The following USP34 variants were observed in gnomAD, a reference collection of about 807,000 sequenced individuals.
USP34 encodes ubiquitin carboxyl-terminal hydrolase 34.
Under a neutral mutation model 460.3 loss-of-function variants are expected in USP34, and 70 were observed. The ratio of observed to expected loss-of-function variants is 0.15; its 90% CI spans 0.13 to 0.19. The LOEUF is 0.19. Ranked by LOEUF, USP34 falls within the 10% of genes least tolerant of loss-of-function variation. The pLI is 1.00. For missense variants in USP34, 3,985 were observed against 4,236.2 expected (o/e 0.94, Z 1.65); for synonymous variants, 1,647 against 1,405.3 (o/e 1.17, Z -3.85).
At chr2:61,253,407 T>G (rs1351955586) in intron 48 of USP34, among the ~76,000 whole-genome samples, 1 of 152,208 alleles carries the variant, frequency 6.6e-6, no homozygotes, top group African/African-American at 2.4e-5. Context: ...TGACTCCATT[T>G]TATATACGTC....
At chr2:61,254,777 A>C (rs768958543) in intron 48 of USP34, among the ~76,000 whole-genome samples, 10 of 152,194 alleles carry the variant, frequency 6.6e-5, no homozygotes, top group Non-Finnish European at 1.0e-4. Context: ...GGAACATGTG[A>C]ATCATCAAAG....
At chr2:61,224,096 T>C (rs1442159915) in intron 62 of USP34, among the ~76,000 whole-genome samples, 1 of 152,236 alleles carries the variant, frequency 6.6e-6, no homozygotes, top group East Asian at 1.9e-4. Flanking sequence ...TGTCATACAA[T>C]ATCCAGCGTA....
intron 1 of USP34, among the ~76,000 whole-genome samples, chr2:61,433,994 G>C (rs1241184743): frequency 1.3e-5 from 2 of 152,104 alleles, no homozygotes; most frequent in East Asian, 1.9e-4. Context: ...CACACTTCAA[G>C]CCAAAGGAAC....
At chr2:61,275,493 G>C (rs925670549) in intron 41 of USP34, among the ~76,000 whole-genome samples, 2 of 151,856 alleles carry the variant, frequency 1.3e-5, no homozygotes, top group Middle Eastern at 3.2e-3. Flanking sequence ...GTGTGATGGC[G>C]TATGCCTATA....
chr2:61,287,125 T>C (rs914729279), intron 34 of USP34, among the ~76,000 whole-genome samples: 1 of 152,226 alleles, frequency 6.6e-6, no homozygotes, highest in Non-Finnish European at 1.5e-5. Context: ...TGTAAATGAT[T>C]TGGAATACTG....
chr2:61,313,988 ACTAT>A (rs929759350), intron 25 of USP34, among the ~76,000 whole-genome samples: 11 of 152,098 alleles, frequency 7.2e-5, no homozygotes, highest in East Asian at 3.8e-4. Flanking sequence ...ATTTCTTAAA[ACTAT>A]CTACTCACCT....
At chr2:61,228,095 G>T (rs936821090) in intron 61 of USP34, among the ~76,000 whole-genome samples, 2 of 152,118 alleles carry the variant, frequency 1.3e-5, no homozygotes, top group African/African-American at 4.8e-5. Context: ...AAGTCACTGT[G>T]ATCTAAAACA....
intron 41 of USP34, among the ~76,000 whole-genome samples, chr2:61,271,076 G>C (rs1034427873): frequency 8.6e-5 from 13 of 151,918 alleles, no homozygotes; most frequent in Non-Finnish European, 1.5e-4. Context: ...CTGAGGTCAG[G>C]AATTCGAGAC....
chr2:61,290,887 G>A (rs1431824391), intron 33 of USP34, among the ~76,000 whole-genome samples: 1 of 152,248 alleles, frequency 6.6e-6, no homozygotes, highest in East Asian at 1.9e-4. Flanking sequence ...ATCAATCTCT[G>A]TGTAAGGGGA....
intron 75 of USP34, among the ~76,000 whole-genome samples, chr2:61,197,409 G>C (rs913554818): frequency 2.0e-5 from 3 of 152,162 alleles, no homozygotes; most frequent in African/African-American, 4.8e-5. Flanking sequence ...TAGGCTCACA[G>C]AGATTATATA....
chr2:61,410,207 T>C (rs1364706548), intron 2 of USP34, among the ~76,000 whole-genome samples: 4 of 152,184 alleles, frequency 2.6e-5, no homozygotes, highest in African/African-American at 4.8e-5. Flanking sequence ...GTAGAATTAG[T>C]GGGAGCCCTG....
intron 5 of USP34, among the ~76,000 whole-genome samples, chr2:61,389,395 T>C (rs1693272752): frequency 6.6e-6 from 1 of 152,192 alleles, no homozygotes; most frequent in South Asian, 2.1e-4. Flanking sequence ...ACAAGATACA[T>C]CAGAGGGCAT....
intron 21 of USP34, among the ~76,000 whole-genome samples, chr2:61,323,034 A>G (rs1690973910): frequency 6.6e-6 from 1 of 152,200 alleles, no homozygotes; most frequent in African/African-American, 2.4e-5. Flanking sequence ...ATGTAATTAC[A>G]TATAACTTTG....
At chr2:61,266,361 CTT>C (rs965112492) in intron 41 of USP34, among the ~76,000 whole-genome samples, 194 bp from the exon 42 acceptor site, 9 of 152,278 alleles carry the variant, frequency 5.9e-5, no homozygotes, top group Non-Finnish European at 8.8e-5. Flanking sequence ...AACTTTTACT[CTT>C]CTCTCCTTTT....
intron 6 of USP34, among the ~76,000 whole-genome samples, chr2:61,380,822 G>C (rs911385699): frequency 1.7e-4 from 26 of 152,324 alleles, no homozygotes; most frequent in Non-Finnish European, 1.9e-4. Flanking sequence ...ACCAAGGTTA[G>C]CCTGCTGGAT....
intron 10 of USP34, among the ~76,000 whole-genome samples, chr2:61,354,381 A>G (rs1458748690): frequency 2.0e-5 from 3 of 152,244 alleles, no homozygotes; most frequent in African/African-American, 7.2e-5. Flanking sequence ...TTGCAATAAG[A>G]ATTCTAAATT....
intron 33 of USP34, among the ~76,000 whole-genome samples, chr2:61,289,943 G>T (rs1302810163): frequency 6.6e-6 from 1 of 152,050 alleles, no homozygotes; most frequent in Admixed American, 6.6e-5. Flanking sequence ...TCAGTATAAT[G>T]AAAAAGTAAG....
At chr2:61,261,953 A>C (rs956196050) in intron 43 of USP34, among the ~76,000 whole-genome samples, 1 of 151,598 alleles carries the variant, frequency 6.6e-6, no homozygotes, top group African/African-American at 2.4e-5. Context: ...AAATACAAAA[A>C]TTAGCCAGGT....
At chr2:61,312,733 G>T (rs1035080431) in intron 25 of USP34, among the ~76,000 whole-genome samples, 1 of 152,132 alleles carries the variant, frequency 6.6e-6, no homozygotes, top group Non-Finnish European at 1.5e-5. Flanking sequence ...TCAGAAGGCA[G>T]AAGAATAGGG....
Sources: allele counts gnomAD v4.1 joint callset (sites outside exome capture counted in the v4.1 genomes callset), GRCh38; gene constraint gnomAD v4.1.1; transcripts MANE v1.5; gene names NCBI Gene and HGNC (gene_info 2026-07-23, HGNC 2026-07-21).